LDB2: variants seen among roughly 807,000 people sequenced by gnomAD.
LDB2 encodes the protein LIM domain-binding protein 2.
LDB2 carries 12 observed loss-of-function variants against 44.3 expected under a neutral mutation model. The observed-to-expected ratio is 0.27, with a 90% confidence interval of 0.17 to 0.44. LDB2 has a LOEUF of 0.44. LDB2 is among the 20% of genes least tolerant of loss of function. LDB2 has a pLI of 1.00. For missense variants in LDB2, 344 were observed against 473.5 expected (o/e 0.73, Z 2.54); for synonymous variants, 164 against 174.8 (o/e 0.94, Z 0.49).
At chr4:16,673,966 G>C (rs1436602788) in intron 2 of LDB2, among the ~76,000 whole-genome samples, 1 of 152,174 alleles carries the variant, frequency 6.6e-6, no homozygotes, top group Non-Finnish European at 1.5e-5. Flanking sequence ...TCTGTGCCCA[G>C]AGCACTGAGA....
chr4:16,713,975 A>G (rs191866698), intron 2 of LDB2, among the ~76,000 whole-genome samples: 138 of 152,326 alleles, frequency 9.1e-4, no homozygotes, highest in Non-Finnish European at 1.9e-4. Flanking sequence ...GGTCAAGGAC[A>G]CTAGCCAGAG....
At chr4:16,867,212 G>A (rs1211224584) in intron 1 of LDB2, among the ~76,000 whole-genome samples, 1 of 152,176 alleles carries the variant, frequency 6.6e-6, no homozygotes, top group Non-Finnish European at 1.5e-5. Context: ...ACACCCGCAG[G>A]TAACACTGAG....
chr4:16,703,000 C>T (rs915085919), intron 2 of LDB2, among the ~76,000 whole-genome samples: 1 of 152,166 alleles, frequency 6.6e-6, no homozygotes, highest in Admixed American at 6.5e-5. Context: ...TCTGACCACA[C>T]AGACTGGGTT....
chr4:16,509,616 C>T (rs1560309780), intron 6 of LDB2, among the ~76,000 whole-genome samples: 1 of 152,016 alleles, frequency 6.6e-6, no homozygotes. Context: ...TCAAAAAATC[C>T]TATTAGTTAG....
At chr4:16,760,117 G>T (rs866821431) in intron 1 of LDB2, among the ~76,000 whole-genome samples, 1 of 152,242 alleles carries the variant, frequency 6.6e-6, no homozygotes, top group South Asian at 2.1e-4. Context: ...TCTCAGTATA[G>T]GACCTGATTT....
At chr4:16,650,726 C>T (rs74431256) in intron 2 of LDB2, among the ~76,000 whole-genome samples, 2,465 of 152,306 alleles carry the variant, frequency 0.016, 20 homozygotes, top group East Asian at 0.04. Flanking sequence ...CCCAAGACTA[C>T]CAGAGCCATC....
intron 1 of LDB2, among the ~76,000 whole-genome samples, chr4:16,882,971 A>C (rs1720583108): frequency 6.6e-6 from 1 of 152,214 alleles, no homozygotes; most frequent in Non-Finnish European, 1.5e-5. Flanking sequence ...TGAACTCATA[A>C]ATTTTAGTAG....
intron 2 of LDB2, among the ~76,000 whole-genome samples, chr4:16,673,740 A>C (rs1745519640): frequency 6.6e-6 from 1 of 152,166 alleles, no homozygotes; most frequent in African/African-American, 2.4e-5. Context: ...GAGGCCAGGG[A>C]TGCTGCCAAA....
In LDB2 at chr4:16,898,433, T is replaced by A. The variant is rs1309295653; in HGVS notation, c.53A>T (p.Tyr18Phe). Residue 18 changes from tyrosine (Y) to phenylalanine (F), a missense_variant, in exon 1 of 8, where the codon TAT (tyrosine) becomes TTT (phenylalanine). By Grantham distance (22) the Tyr-to-Phe change is conservative (BLOSUM62 3). Transcript: ENST00000304523. ...PFYSSPFGPFYRRHTPYMVQP... is the reference protein window; with the variant it reads ...PFYSSPFGPFFRRHTPYMVQP... ...TACCATGTATGGTGTATGCCTCCTATAAAATGGGCCGAAAGGAGAAGAATA... is the reference window on the plus strand; with the variant it reads ...TACCATGTATGGTGTATGCCTCCTAAAAAATGGGCCGAAAGGAGAAGAATA... The A allele has an allele frequency of 1.2e-6, 2 of 1,613,692 alleles. No homozygotes were observed.
intron 2 of LDB2, among the ~76,000 whole-genome samples, chr4:16,751,369 T>A (rs1221079119): frequency 6.6e-6 from 1 of 152,216 alleles, no homozygotes; most frequent in Non-Finnish European, 1.5e-5. Flanking sequence ...CAAAGCACTT[T>A]TCTGTCCATT....
chr4:16,697,674 T>C (rs559928797), intron 2 of LDB2, among the ~76,000 whole-genome samples: 2 of 152,248 alleles, frequency 1.3e-5, no homozygotes, highest in East Asian at 3.9e-4. Flanking sequence ...CTAATCCAGA[T>C]GGTGTTGCAT....
chr4:16,723,712 C>T (rs1371190538), intron 2 of LDB2, among the ~76,000 whole-genome samples: 1 of 152,136 alleles, frequency 6.6e-6, no homozygotes, highest in African/African-American at 2.4e-5. Context: ...AAGCAGACCC[C>T]ACTTTCAGAA....
intron 2 of LDB2, among the ~76,000 whole-genome samples, chr4:16,706,205 C>G (rs560233541): frequency 6.6e-4 from 101 of 152,276 alleles, no homozygotes; most frequent in African/African-American, 2.0e-3. Context: ...ATGTTTATTT[C>G]ACTACTTCCA....
At chr4:16,505,988 C>T in intron 7 of LDB2, 2 of 1,550,696 alleles carry the variant, frequency 1.3e-6, no homozygotes, top group South Asian at 1.2e-5. Context: ...AGCCCCTGCT[C>T]ATGGAGTGAG....
At chr4:16,696,990 T>C (rs564201155) in intron 2 of LDB2, among the ~76,000 whole-genome samples, 2 of 152,172 alleles carry the variant, frequency 1.3e-5, no homozygotes, top group African/African-American at 4.8e-5. Flanking sequence ...GATAAGCTAT[T>C]TGGGGAGGGG....
chr4:16,568,169 G>A (rs187226912), intron 5 of LDB2, among the ~76,000 whole-genome samples: 1 of 152,294 alleles, frequency 6.6e-6, no homozygotes, highest in African/African-American at 2.4e-5. Context: ...ACTGTAAGGT[G>A]ATGGTGACAA....
At chr4:16,676,655 G>C (rs912253656) in intron 2 of LDB2, among the ~76,000 whole-genome samples, 1 of 152,218 alleles carries the variant, frequency 6.6e-6, no homozygotes, top group Non-Finnish European at 1.5e-5. Flanking sequence ...CTACCTTTGA[G>C]AAAAGTATAG....
At chr4:16,887,738 C>T (rs1722173101) in intron 1 of LDB2, among the ~76,000 whole-genome samples, 1 of 151,958 alleles carries the variant, frequency 6.6e-6, no homozygotes, top group African/African-American at 2.4e-5. Context: ...GTTTGAGCTA[C>T]ACAAGATCTT....
At chr4:16,730,954 T>TC (rs1248381629) in intron 2 of LDB2, among the ~76,000 whole-genome samples, 46 of 152,144 alleles carry the variant, frequency 3.0e-4, no homozygotes, top group Non-Finnish European at 5.3e-4. Context: ...TCAAGTTACT[T>TC]CCCCCAGGCA....
Sources: gnomAD v4.1 joint callset for allele counts (sites outside exome capture counted in the v4.1 genomes callset) on GRCh38, gnomAD v4.1.1 for gene constraint, MANE v1.5 for transcripts, NCBI Gene and HGNC (gene_info 2026-07-23, HGNC 2026-07-21) for gene names.